The following TMEM170B variants were observed in gnomAD, a reference collection of about 807,000 sequenced individuals.
TMEM170B encodes the protein transmembrane protein 170B.
A neutral mutation model predicts 13.0 loss-of-function variants in TMEM170B; 6 were observed. The ratio of observed to expected loss-of-function variants is 0.46; its 90% CI spans 0.25 to 0.91. TMEM170B has a LOEUF of 0.91. TMEM170B is among the 40% of genes least tolerant of loss of function. TMEM170B has a pLI of 0.17. For synonymous variants in TMEM170B, 61 were observed against 64.9 expected, an observed-to-expected ratio of 0.94 and a Z score of 0.29; for missense variants, 138 against 165.2, an observed-to-expected ratio of 0.84 and a Z score of 0.90.
intron 1 of TMEM170B, among the ~76,000 whole-genome samples, chr6:11,549,606 C>T (rs572578400): frequency 4.0e-5 from 6 of 150,820 alleles, no homozygotes; most frequent in South Asian, 4.2e-4. Context: ...GAGCTTGCAG[C>T]GAGCCGAGAT....
chr6:11,553,832 T>C (rs72834800), intron 1 of TMEM170B, among the ~76,000 whole-genome samples: 2,354 of 152,312 alleles, frequency 0.015, 32 homozygotes, highest in Non-Finnish European at 0.021. Context: ...AGAAAATCTT[T>C]GCTCTCTGCA....
At chr6:11,558,663 CTTG>C (rs1408126930) in intron 1 of TMEM170B, among the ~76,000 whole-genome samples, 1 of 152,150 alleles carries the variant, frequency 6.6e-6, no homozygotes, top group Non-Finnish European at 1.5e-5. Context: ...TTGTTTAAAT[CTTG>C]TTAATTTTTT....
At position 11,538,384 on chromosome 6, in the gene TMEM170B, G is replaced by A. The variant is rs908341908; in HGVS notation, c.97+10G>A. 3 of 1,502,552 alleles carry A rather than the reference G, an allele frequency of 2.0e-6. No homozygotes were observed. The highest frequency in any genetic ancestry group is 2.2e-5 in the Admixed American group (1 of 45,728). The allele number at this position is 1,502,552 out of a possible 1,614,324, so 93.1% of individuals were successfully genotyped here. ...CTGAGGAACCTCACGGGTAATTGACGCGCCTGGGCTGGGGACGGGGATGCG... is the reference window on the plus strand; with the variant it reads ...CTGAGGAACCTCACGGGTAATTGACACGCCTGGGCTGGGGACGGGGATGCG... On this transcript the variant is annotated intron_variant, in intron 1 of 2. Transcript: ENST00000379426.
chr6:11,578,102 C>A lies in TMEM170B; in HGVS notation c.*2541C>A, dbSNP rs1177223552. 6.6e-6 allele frequency: 1 copy of A among 151,874 alleles called. No homozygotes were observed. The highest frequency in any genetic ancestry group is 1.9e-4 in the East Asian group (1 of 5,186). The allele number at this position is 151,874 out of a possible 1,614,324, so 9.4% of individuals were successfully genotyped here. A position where few individuals can be genotyped will look rare whatever the true frequency, so the allele number is the denominator to read the frequency against. On this transcript the variant is annotated 3_prime_UTR_variant, in exon 3 of 3. Transcript: ENST00000379426. ...ACAGTCTACTTGGAAAGCTTTTTTT[C>A]AGTGAACACTTTCATGTTCTAGTGG...
At chr6:11,568,986 A>T (rs573107919) in intron 2 of TMEM170B, among the ~76,000 whole-genome samples, 1 of 152,272 alleles carries the variant, frequency 6.6e-6, no homozygotes, top group East Asian at 1.9e-4. Context: ...TTAGCTGTTT[A>T]ATTTTAGCCA....
intron 1 of TMEM170B, among the ~76,000 whole-genome samples, chr6:11,540,368 A>C (rs1430660343): frequency 6.6e-6 from 1 of 152,186 alleles, no homozygotes. Flanking sequence ...TAATAGTCTA[A>C]ATCCTTTGTT....
At chr6:11,555,483 G>T (rs978973583) in intron 1 of TMEM170B, among the ~76,000 whole-genome samples, 1 of 151,920 alleles carries the variant, frequency 6.6e-6, no homozygotes. Context: ...TATTATTTTT[G>T]AAAAATTTTC....
At position 11,565,844 on chromosome 6, in the gene TMEM170B, G is replaced by C. The variant is rs754476912; in HGVS notation, c.268+8G>C. 22 of 1,613,814 alleles carry C rather than the reference G, an allele frequency of 1.4e-5. No individual in the cohort carries two copies. Among genetic ancestry groups the C allele is most frequent in the Middle Eastern group, 1.6e-4 (1 of 6,082 alleles). ...CTGGAGCGATGATTACCAGTAAGTTGATTTTCTTTTGTCTGAGGATGTAAG... is the reference window on the plus strand; with the variant it reads ...CTGGAGCGATGATTACCAGTAAGTTCATTTTCTTTTGTCTGAGGATGTAAG... On this transcript the variant is annotated splice_region_variant and intron_variant, in intron 2 of 2. Transcript: ENST00000379426.
chr6:11,578,565 T>C lies in TMEM170B; in HGVS notation c.*3004T>C, dbSNP rs1052832879. On this transcript the variant is annotated 3_prime_UTR_variant, in exon 3 of 3. Coordinates refer to ENST00000379426, the MANE Select transcript of TMEM170B (RefSeq NM_001100829.3). ...GGAGAACCAGCAGTCTTCCGAACCA[T>C]GGGACAGTTCCAAGGTAATAGCCTA... is the stretch of plus-strand genomic sequence containing the variant. 1.1e-4 allele frequency: 17 copies of C among 152,128 alleles called. No individual in the cohort carries two copies. Among genetic ancestry groups the C allele is most frequent in the African/African-American group, 4.1e-4 (17 of 41,434 alleles). 9.4% of individuals were successfully genotyped at this position (152,128 alleles called of 1,614,324 possible).
chr6:11,563,849 A>G (rs1438902477), intron 1 of TMEM170B, among the ~76,000 whole-genome samples: 1 of 152,164 alleles, frequency 6.6e-6, no homozygotes, highest in Admixed American at 6.5e-5. Flanking sequence ...CCACATGTGT[A>G]GTTGTAGCTA....
At chr6:11,549,834 GAATAT>G (rs1198210412) in intron 1 of TMEM170B, among the ~76,000 whole-genome samples, 1 of 151,906 alleles carries the variant, frequency 6.6e-6, no homozygotes, top group African/African-American at 2.4e-5. Context: ...GATAATCATG[GAATAT>G]AATCTAAGAG....
chr6:11,547,047 G>A (rs752162835), intron 1 of TMEM170B, among the ~76,000 whole-genome samples: 7 of 152,162 alleles, frequency 4.6e-5, no homozygotes, highest in Non-Finnish European at 7.3e-5. Context: ...GACAATATTC[G>A]ATAGTGGGTA....
intron 1 of TMEM170B, among the ~76,000 whole-genome samples, chr6:11,549,213 G>A (rs1759484155): frequency 6.6e-6 from 1 of 152,020 alleles, no homozygotes; most frequent in Non-Finnish European, 1.5e-5. Flanking sequence ...CCTATATAAA[G>A]CATTTTGCAT....
Position 11,578,753 on chromosome 6 carries a change from G to C in TMEM170B, c.*3192G>C, listed in dbSNP as rs533455070. On this transcript the variant is annotated 3_prime_UTR_variant, in exon 3 of 3. Transcript: ENST00000379426. The stretch of plus-strand genomic sequence containing the variant: ...ATTTCACTGCTCAAAAAAGTATAAG[G>C]GTTTTGTTTGTACTTTAAATGAGAG... The C allele has an allele frequency of 6.6e-6, 1 of 152,224 alleles. No homozygotes were observed. Among genetic ancestry groups the C allele is most frequent in the African/African-American group, 2.4e-5 (1 of 41,532 alleles). 9.4% of individuals were successfully genotyped at this position (152,224 alleles called of 1,614,324 possible). A position where few individuals can be genotyped will look rare whatever the true frequency, so the allele number is the denominator to read the frequency against.
At chr6:11,572,152 C>T (rs1192818093) in intron 2 of TMEM170B, among the ~76,000 whole-genome samples, 1 of 152,156 alleles carries the variant, frequency 6.6e-6, no homozygotes, top group Non-Finnish European at 1.5e-5. Context: ...CTGAGCAGTT[C>T]TGGTTTTACC....
rs1759956139 is a variant in TMEM170B, at chr6:11,581,494, T to C, written c.*5933T>C. 6.6e-6 allele frequency: 1 copy of C among 152,214 alleles called. No individual in the cohort carries two copies. The highest frequency in any genetic ancestry group is 2.1e-4 in the South Asian group (1 of 4,838). 9.4% of individuals were successfully genotyped at this position (152,214 alleles called of 1,614,324 possible). On this transcript the variant is annotated 3_prime_UTR_variant, in exon 3 of 3. Coordinates refer to ENST00000379426, the MANE Select transcript of TMEM170B (RefSeq NM_001100829.3). ...ACCCACATGTATCTACTCTTGGTAGTAACATGACTCCACCCTTTTTGGGAA... is the reference window on the plus strand; with the variant it reads ...ACCCACATGTATCTACTCTTGGTAGCAACATGACTCCACCCTTTTTGGGAA...
At chr6:11,567,884 A>G (rs1345371125) in intron 2 of TMEM170B, among the ~76,000 whole-genome samples, 1 of 152,214 alleles carries the variant, frequency 6.6e-6, no homozygotes, top group Non-Finnish European at 1.5e-5. Context: ...TGGAAAACAA[A>G]TGGATATTTT....
chr6:11,572,590 T>G (rs1298063395), intron 2 of TMEM170B, among the ~76,000 whole-genome samples: 1 of 152,116 alleles, frequency 6.6e-6, no homozygotes, highest in Non-Finnish European at 1.5e-5. Context: ...AGAAGTTAAG[T>G]TAGAGTTTAA....
intron 1 of TMEM170B, among the ~76,000 whole-genome samples, chr6:11,541,260 G>C (rs777593237): frequency 3.3e-5 from 5 of 152,198 alleles, no homozygotes; most frequent in Non-Finnish European, 5.9e-5. Flanking sequence ...ATCTTCTTCT[G>C]ATATAAGGCT....
Sources: gnomAD v4.1 joint callset for allele counts (sites outside exome capture counted in the v4.1 genomes callset) on GRCh38, gnomAD v4.1.1 for gene constraint, MANE v1.5 for transcripts, NCBI Gene and HGNC (gene_info 2026-07-23, HGNC 2026-07-21) for gene names.